KHDRBS3: variants seen among roughly 807,000 people sequenced by gnomAD.
The protein encoded by KHDRBS3 is KH RNA binding domain containing, signal transduction associated 3.
In KHDRBS3, 23 loss-of-function variants were observed where a neutral mutation model predicts 45.6. The observed-to-expected ratio is 0.50, with a 90% CI of 0.36 to 0.72. KHDRBS3 has a LOEUF of 0.72. Among genes scored for constraint, KHDRBS3 ranks in the 30% least tolerant of loss-of-function variants. The probability of loss-of-function intolerance (pLI) is 0.00; values close to 1 mark genes in which losing one functional copy is unlikely to be tolerated. For missense variants in KHDRBS3, 352 were observed against 424.8 expected, an observed-to-expected ratio of 0.83 and a Z score of 1.51; for synonymous variants, 162 against 156.5, an observed-to-expected ratio of 1.04 and a Z score of -0.26.
chr8:135,502,395 A>C (rs1455143185), intron 1 of KHDRBS3, among the ~76,000 whole-genome samples: 1 of 152,170 alleles, frequency 6.6e-6, no homozygotes, highest in Non-Finnish European at 1.5e-5. Flanking sequence ...TATGCATAGG[A>C]TACCCCTCCA....
chr8:135,549,637 A>G (rs866101959), intron 4 of KHDRBS3: 7 of 152,320 alleles, frequency 4.6e-5, no homozygotes, highest in African/African-American at 1.7e-4. Flanking sequence ...TCTTGATAAA[A>G]AGAATCGTAA....
At chr8:135,633,655 T>A (rs1392493624) in intron 7 of KHDRBS3, among the ~76,000 whole-genome samples, 1 of 152,260 alleles carries the variant, frequency 6.6e-6, no homozygotes, top group African/African-American at 2.4e-5. Context: ...TTTTCTCAGC[T>A]ATCATTTTAA....
chr8:135,637,266 C>T (rs1341441263), intron 7 of KHDRBS3, among the ~76,000 whole-genome samples: 1 of 152,094 alleles, frequency 6.6e-6, no homozygotes, highest in East Asian at 1.9e-4. Context: ...AGAGTAGTCC[C>T]AAAGTTTATT....
chr8:135,652,702 G>A (rs1729194049), intron 4 of KHDRBS3, among the ~76,000 whole-genome samples: 1 of 152,160 alleles, frequency 6.6e-6, no homozygotes, highest in Non-Finnish European at 1.5e-5. Context: ...CCCTCACCCT[G>A]GAGGCCCTCC....
At chr8:135,547,875 A>G (rs1484540991) in intron 3 of KHDRBS3, among the ~76,000 whole-genome samples, 2 of 152,198 alleles carry the variant, frequency 1.3e-5, no homozygotes, top group Non-Finnish European at 2.9e-5. Context: ...AGGACCTAAA[A>G]TTGAAGGTTA....
chr8:135,640,750 C>G (rs1052455567), intron 7 of KHDRBS3, among the ~76,000 whole-genome samples: 1 of 152,144 alleles, frequency 6.6e-6, no homozygotes, highest in South Asian at 2.1e-4. Flanking sequence ...TCCCTGATCC[C>G]TTTGATGGAG....
At chr8:135,531,359 G>T (rs146078550) in intron 2 of KHDRBS3, among the ~76,000 whole-genome samples, 1 of 151,834 alleles carries the variant, frequency 6.6e-6, no homozygotes, top group Non-Finnish European at 1.5e-5. Flanking sequence ...GTGATCTGTA[G>T]TTGGAAAATT....
At chr8:135,557,022 C>T (rs182829876) in intron 4 of KHDRBS3, among the ~76,000 whole-genome samples, 25 of 152,188 alleles carry the variant, frequency 1.6e-4, no homozygotes, top group Non-Finnish European at 3.1e-4. Flanking sequence ...TATCCTTCCT[C>T]TTTGCTAGAG....
intron 2 of KHDRBS3, among the ~76,000 whole-genome samples, chr8:135,536,966 C>CAAAAAAAAAAAAAAA (rs869256475): frequency 8.5e-5 from 1 of 11,776 alleles, no homozygotes; most frequent in African/African-American, 4.2e-4. Context: ...AACTCCATCT[C>CAAAAAAAAAAAAAAA]AAAAAAAAAA....
At chr8:135,519,828 A>C (rs1030542731) in intron 1 of KHDRBS3, among the ~76,000 whole-genome samples, 1 of 152,226 alleles carries the variant, frequency 6.6e-6, no homozygotes, top group Non-Finnish European at 1.5e-5. Flanking sequence ...GCTGCATATT[A>C]GGATGGAGTG....
At chr8:135,573,189 A>G (rs1288342729) in intron 5 of KHDRBS3, among the ~76,000 whole-genome samples, 1 of 152,184 alleles carries the variant, frequency 6.6e-6, no homozygotes, top group African/African-American at 2.4e-5. Flanking sequence ...CAGGTCACCA[A>G]GTTAGCAATG....
intron 1 of KHDRBS3, among the ~76,000 whole-genome samples, chr8:135,464,422 G>A (rs866754806): frequency 6.6e-6 from 1 of 152,158 alleles, no homozygotes; most frequent in Non-Finnish European, 1.5e-5. Context: ...CTGAAGTTCT[G>A]TCTCTTGAGG....
intron 6 of KHDRBS3, among the ~76,000 whole-genome samples, chr8:135,593,835 A>G (rs2130973745): frequency 6.6e-6 from 1 of 152,274 alleles, no homozygotes; most frequent in East Asian, 1.9e-4. Context: ...AACACCTATA[A>G]TTGACTTATG....
intron 5 of KHDRBS3, among the ~76,000 whole-genome samples, chr8:135,574,151 ACGT>A (rs1827840374): frequency 9.9e-6 from 1 of 101,112 alleles, no homozygotes; most frequent in Non-Finnish European, 2.3e-5. Flanking sequence ...TTGTGTTAGC[ACGT>A]CACCTCCATC....
intron 1 of KHDRBS3, among the ~76,000 whole-genome samples, chr8:135,496,544 T>A (rs1823458403): frequency 7.0e-6 from 1 of 142,092 alleles, no homozygotes; most frequent in African/African-American, 2.5e-5. Context: ...AAGCATTTTT[T>A]AAAACAAGTA....
chr8:135,616,744 C>G (rs1380233203), intron 7 of KHDRBS3, among the ~76,000 whole-genome samples: 1 of 152,096 alleles, frequency 6.6e-6, no homozygotes, highest in African/African-American at 2.4e-5. Context: ...TGTTGATGAC[C>G]AAACCTCCAG....
chr8:135,486,148 G>T (rs1822852794), intron 1 of KHDRBS3, among the ~76,000 whole-genome samples: 1 of 151,868 alleles, frequency 6.6e-6, no homozygotes, highest in African/African-American at 2.4e-5. Context: ...AAGTAGAAGA[G>T]GTCAGTGAGA....
At chr8:135,591,338 A>G (rs1239784843) in intron 6 of KHDRBS3, among the ~76,000 whole-genome samples, 2 of 152,264 alleles carry the variant, frequency 1.3e-5, no homozygotes, top group Non-Finnish European at 2.9e-5. Flanking sequence ...AATTGGTTTT[A>G]CCAATCCTTC....
chr8:135,567,085 C>T (rs1827459905), intron 5 of KHDRBS3, among the ~76,000 whole-genome samples: 1 of 152,150 alleles, frequency 6.6e-6, no homozygotes, highest in South Asian at 2.1e-4. Context: ...CGCCCTTGGA[C>T]ACATCTATAG....
Sources: gnomAD v4.1 joint callset for allele counts (sites outside exome capture counted in the v4.1 genomes callset) on GRCh38, gnomAD v4.1.1 for gene constraint, MANE v1.5 for transcripts, NCBI Gene and HGNC (gene_info 2026-07-23, HGNC 2026-07-21) for gene names.